MYO10: variants seen among roughly 807,000 people sequenced by gnomAD.
MYO10 encodes the protein myosin X, also known as unconventional myosin-X.
Under a neutral mutation model 257.3 loss-of-function variants are expected in MYO10, and 133 were observed. The ratio of observed to expected loss-of-function variants is 0.52; its 90% CI spans 0.45 to 0.60. The LOEUF is 0.60. Among genes scored for constraint, MYO10 ranks in the 20% least tolerant of loss-of-function variants. The pLI is 0.00. For missense variants in MYO10, 2,399 were observed against 2,635.7 expected (o/e 0.91, Z 1.97); for synonymous variants, 1,104 against 1,028.6 (o/e 1.07, Z -1.40).
At chr5:16,869,446 C>T (rs997269046) in intron 2 of MYO10, among the ~76,000 whole-genome samples, 1 of 151,998 alleles carries the variant, frequency 6.6e-6, no homozygotes, top group African/African-American at 2.4e-5. Context: ...AGGCATGGTG[C>T]ACCCCTGTAG....
chr5:16,793,413 C>G (rs1741829658), intron 4 of MYO10, among the ~76,000 whole-genome samples: 1 of 152,120 alleles, frequency 6.6e-6, no homozygotes, highest in Non-Finnish European at 1.5e-5. Flanking sequence ...CAACCTCCAC[C>G]TCCGGGTTAA....
Position 16,683,904 on chromosome 5 carries a change from A to G in MYO10, c.4022T>C (p.Val1341Ala), listed in dbSNP as rs571085611. ...CCTATCAGGGCTGTCAGAGGCACAC[A>G]CAGAATCAATCAGCCCCACATCCAA... ...GTLDVGLIDS[V>A]CASDSPDRPN... Residue 1341 changes from valine (V) to alanine (A), a missense_variant, in exon 30 of 41, where the codon GTG (valine) becomes GCG (alanine). Around this residue, in one of 3 missense-constraint regions of MYO10, gnomAD observed 1,820 missense variants for 1,939.4 expected, o/e 0.94. Transcript: ENST00000513610. The G allele has an allele frequency of 1.5e-5, 24 of 1,613,858 alleles. No homozygotes were observed. The South Asian group carries it at 2.6e-4, about 18-fold the overall frequency.
At position 16,821,443 on chromosome 5, in the gene MYO10, C is replaced by CT. The variant is rs571931909; in HGVS notation, c.121-3277dup. On this transcript the variant is annotated intron_variant, in intron 2 of 40. Transcript: ENST00000513610. ...ATTTGACTTCCTTTCCTCCTATTTT[C>CT]TTTTTTTTTTTTTTTTTTTTTTTTT... Among the ~76,000 whole-genome samples the CT allele has an allele frequency of 1.4e-4, 10 of 70,262 alleles. 1 individual carries two copies. Among genetic ancestry groups the CT allele is most frequent in the South Asian group, 6.9e-4 (1 of 1,456 alleles). 46.1% of individuals were successfully genotyped at this position (70,262 alleles called of 152,430 possible). A position where few individuals can be genotyped will look rare whatever the true frequency, so the allele number is the denominator to read the frequency against.
intron 19 of MYO10, among the ~76,000 whole-genome samples, chr5:16,739,619 T>C (rs9918141): frequency 0.04 from 6,144 of 152,014 alleles, 383 homozygotes; most frequent in African/African-American, 0.14. Context: ...AATCCAGTAA[T>C]AGAAATCTGA....
intron 8 of MYO10, 63 bp downstream of exon 8, chr5:16,780,461 T>C: frequency 1.5e-6 from 2 of 1,351,798 alleles, no homozygotes; most frequent in Non-Finnish European, 2.1e-6. Flanking sequence ...TCTCATTTAC[T>C]GACATCTATT....
At chr5:16,873,171 G>A (rs1223737983) in intron 2 of MYO10, among the ~76,000 whole-genome samples, 1 of 152,184 alleles carries the variant, frequency 6.6e-6, no homozygotes, top group Non-Finnish European at 1.5e-5. Flanking sequence ...TATAATGAGG[G>A]TACAGGTATT....
intron 33 of MYO10, among the ~76,000 whole-genome samples, chr5:16,678,429 A>C (rs1181705042): frequency 1.3e-5 from 2 of 151,964 alleles, no homozygotes; most frequent in African/African-American, 4.8e-5. Flanking sequence ...AAAATACAAA[A>C]ATTAGCTGGG....
intron 3 of MYO10, among the ~76,000 whole-genome samples, chr5:16,805,458 C>CAAAAAAAA (rs36126574): frequency 1.3e-4 from 10 of 78,320 alleles, no homozygotes; most frequent in Admixed American, 3.3e-4. Flanking sequence ...GACTCCATCT[C>CAAAAAAAA]AAAAAAAAAA....
intron 9 of MYO10, among the ~76,000 whole-genome samples, chr5:16,773,108 A>G (rs539372879): frequency 1.3e-5 from 2 of 152,366 alleles, no homozygotes; most frequent in African/African-American, 4.8e-5. Context: ...TTAAAATACC[A>G]TAAATTACTT....
In MYO10 at chr5:16,935,826, G is replaced by A; in HGVS notation, c.-18C>T. 2 of 1,612,658 alleles carry A rather than the reference G, an allele frequency of 1.2e-6. No homozygotes were observed. Among genetic ancestry groups the A allele is most frequent in the East Asian group, 4.5e-5 (2 of 44,798 alleles). On this transcript the variant is annotated 5_prime_UTR_variant, in exon 1 of 41. Coordinates refer to ENST00000513610, the MANE Select transcript of MYO10 (RefSeq NM_012334.3). ...TTATCCATTGTTCCAGCGCAGTCCCGGACTCGCCGAGTGCCGCTCCGACTC... is the reference window on the plus strand; with the variant it reads ...TTATCCATTGTTCCAGCGCAGTCCCAGACTCGCCGAGTGCCGCTCCGACTC...
At chr5:16,793,020 T>C (rs1441226334) in intron 4 of MYO10, among the ~76,000 whole-genome samples, 1 of 152,242 alleles carries the variant, frequency 6.6e-6, no homozygotes, top group Non-Finnish European at 1.5e-5. Context: ...GAAAGCCATC[T>C]GAAGCAGATG....
chr5:16,828,510 C>T (rs1370915500), intron 2 of MYO10, among the ~76,000 whole-genome samples: 1 of 150,928 alleles, frequency 6.6e-6, no homozygotes, highest in Non-Finnish European at 1.5e-5. Flanking sequence ...ATCCCAGTTA[C>T]TTGGGAGGCT....
At chr5:16,821,761 C>G (rs11743514) in intron 2 of MYO10, among the ~76,000 whole-genome samples, 2 of 151,900 alleles carry the variant, frequency 1.3e-5, no homozygotes, top group East Asian at 3.9e-4. Flanking sequence ...CCACCGCGCC[C>G]GGCCCCTTTC....
rs1409767801 is a variant in MYO10 at position 16,813,104 on chromosome 5, G to A, written c.279+4905C>T. Reference sequence around the variant, plus strand: ...TGGCAGCCTCTCTACCTGGCGATGAGCCACTTGCCAGCAACCCATGGAACC... The same window carrying A: ...TGGCAGCCTCTCTACCTGGCGATGAACCACTTGCCAGCAACCCATGGAACC... On this transcript the variant is annotated intron_variant, in intron 3 of 40. Transcript: ENST00000513610. Among the ~76,000 whole-genome samples the A allele has an allele frequency of 2.6e-5, 4 of 152,148 alleles. No homozygotes were observed. In the East Asian group the frequency reaches 7.7e-4, roughly 29 times the overall value.
At chr5:16,830,982 T>C (rs950728441) in intron 2 of MYO10, among the ~76,000 whole-genome samples, 4 of 152,192 alleles carry the variant, frequency 2.6e-5, no homozygotes, top group African/African-American at 9.7e-5. Context: ...GGAAATGATC[T>C]GTATCCACTG....
chr5:16,816,749 C>T (rs761899846), intron 3 of MYO10, among the ~76,000 whole-genome samples: 1 of 150,540 alleles, frequency 6.6e-6, no homozygotes, highest in Non-Finnish European at 1.5e-5. Context: ...CAGGATGGTC[C>T]GATCTCTTGA....
intron 2 of MYO10, among the ~76,000 whole-genome samples, chr5:16,836,289 A>G (rs1041068163): frequency 2.0e-5 from 3 of 152,214 alleles, no homozygotes; most frequent in Non-Finnish European, 2.9e-5. Context: ...ACACTCTTTC[A>G]GTAGATAACA....
chr5:16,760,014 T>C (rs1334104164), intron 17 of MYO10, among the ~76,000 whole-genome samples: 1 of 150,888 alleles, frequency 6.6e-6, no homozygotes, highest in Non-Finnish European at 1.5e-5. Flanking sequence ...TATTACAGCT[T>C]TTAAACTTTT....
At chr5:16,672,452 G>A (rs1579791289) in intron 37 of MYO10, among the ~76,000 whole-genome samples, 1 of 152,172 alleles carries the variant, frequency 6.6e-6, no homozygotes, top group African/African-American at 2.4e-5. Flanking sequence ...ACATGGAACT[G>A]AGAAAAGGAA....
Sources: gnomAD v4.1 joint callset for allele counts (sites outside exome capture counted in the v4.1 genomes callset) on GRCh38, gnomAD v4.1.1 for gene constraint, gnomAD v4.1.1 regional missense constraint, MANE v1.5 for transcripts, NCBI Gene and HGNC (gene_info 2026-07-23, HGNC 2026-07-21) for gene names.